OTUD7A: variants seen among roughly 807,000 people sequenced by gnomAD.
OTUD7A encodes OTU domain-containing protein 7A.
In OTUD7A, 12 loss-of-function variants were observed where a neutral mutation model predicts 65.7. The observed-to-expected ratio is 0.18, with a 90% CI of 0.12 to 0.30. The LOEUF (loss-of-function observed/expected upper bound fraction) is 0.30, where lower values mean the gene tolerates loss of function less well. Ranked by LOEUF, OTUD7A falls within the 10% of genes least tolerant of loss-of-function variation. The pLI is 1.00. For synonymous variants in OTUD7A, 641 were observed against 586.3 expected, an observed-to-expected ratio of 1.09 and a Z score of -1.35; for missense variants, 1,148 against 1,304.8, an observed-to-expected ratio of 0.88 and a Z score of 1.85.
At chr15:31,869,770 A>AG (rs1897976059) in intron 1 of OTUD7A, among the ~76,000 whole-genome samples, 1 of 152,176 alleles carries the variant, frequency 6.6e-6, no homozygotes, top group South Asian at 2.1e-4. Context: ...ACCGGGAGGG[A>AG]GGAGGGTACA....
intron 3 of OTUD7A, among the ~76,000 whole-genome samples, chr15:31,589,463 G>GTTTTTTTTTTT (rs58276599): frequency 8.6e-6 from 1 of 116,312 alleles, no homozygotes; most frequent in African/African-American, 3.5e-5. Flanking sequence ...TCCTGGGCTT[G>GTTTTTTTTTTT]TTTTTTTTTT....
chr15:31,484,539 G>A lies in OTUD7A; in HGVS notation c.1557C>T (p.Ser519=), dbSNP rs754474424. 4 of 1,611,268 alleles carry A rather than the reference G, an allele frequency of 2.5e-6. No individual in the cohort carries two copies. Among genetic ancestry groups the A allele is most frequent in the Admixed American group, 1.7e-5 (1 of 60,002 alleles). The change falls in exon 13 of 13, where the codon TCC becomes TCT. Residue 519 remains serine, a synonymous_variant. Coordinates refer to ENST00000307050, the MANE Select transcript of OTUD7A (RefSeq NM_001382637.1). This position sits in a 1 kb window ranked among gnomAD's most constrained non-coding sequence, Gnocchi z 4.5. Reference sequence around the variant, plus strand: ...TGAAGCTGCCCAGCTTGTTGGCCACGGAGTCGGCGCGCGTCTTGTCCTTCT... The same window carrying A: ...TGAAGCTGCCCAGCTTGTTGGCCACAGAGTCGGCGCGCGTCTTGTCCTTCT... The part of the protein sequence containing the change: ...RKEKDKTRAD[S]VANKLGSFSK...
intron 3 of OTUD7A, among the ~76,000 whole-genome samples, chr15:31,609,281 A>G (rs1407276493): frequency 6.6e-6 from 1 of 152,220 alleles, no homozygotes; most frequent in African/African-American, 2.4e-5. Context: ...GGGAGGAACT[A>G]AAGCCCTTTT....
chr15:31,598,458 T>C (rs1054052669), intron 3 of OTUD7A, among the ~76,000 whole-genome samples: 2 of 152,118 alleles, frequency 1.3e-5, no homozygotes, highest in Admixed American at 6.5e-5. Flanking sequence ...TGAGGAACTA[T>C]GCACACTCCG....
At chr15:31,824,339 C>T (rs993628242) in intron 1 of OTUD7A, among the ~76,000 whole-genome samples, 19 of 152,214 alleles carry the variant, frequency 1.2e-4, no homozygotes, top group African/African-American at 4.1e-4. Context: ...TGCCGCTTTG[C>T]AAGGATGCTC....
chr15:31,682,341 A>G lies in OTUD7A; in HGVS notation c.-99-25264T>C, dbSNP rs111422900. 4.5e-3 allele frequency among the ~76,000 whole-genome samples: 688 copies of G among 152,350 alleles called. 3 individuals are homozygous for G. The highest frequency in any genetic ancestry group is 0.016 in the African/African-American group (662 of 41,576). ...CACACTGATCTATAAATTCAGTGCA[A>G]TCCCAGTCAACATTCCAGCAGGTTT... On this transcript the variant is annotated intron_variant, in intron 1 of 12. Coordinates refer to ENST00000307050, the MANE Select transcript of OTUD7A (RefSeq NM_001382637.1).
intron 1 of OTUD7A, among the ~76,000 whole-genome samples, chr15:31,787,197 T>C (rs1042190741): frequency 6.6e-6 from 1 of 152,162 alleles, no homozygotes; most frequent in African/African-American, 2.4e-5. Flanking sequence ...GATGGCCTTA[T>C]TGGAGCAAGG....
chr15:31,765,635 T>A (rs1895076580), intron 1 of OTUD7A: 1 of 634,472 alleles, frequency 1.6e-6, no homozygotes, highest in Non-Finnish European at 2.7e-6. Flanking sequence ...CATAATGTGT[T>A]TATTTAGAAA....
chr15:31,503,910 C>T (rs1454642323), intron 8 of OTUD7A, 92 bp from the exon 9 acceptor site: 3 of 1,465,050 alleles, frequency 2.0e-6, no homozygotes, highest in Non-Finnish European at 2.8e-6. Flanking sequence ...GCTGAGCCCT[C>T]CCCACTCTGG....
chr15:31,800,366 C>T (rs1007067607), intron 1 of OTUD7A, among the ~76,000 whole-genome samples: 2 of 152,168 alleles, frequency 1.3e-5, no homozygotes, highest in African/African-American at 4.8e-5. Context: ...AAGGAGAGGC[C>T]AGGCACCTAT....
At chr15:31,791,147 C>A (rs1895803691) in intron 1 of OTUD7A, among the ~76,000 whole-genome samples, 1 of 152,136 alleles carries the variant, frequency 6.6e-6, no homozygotes, top group Admixed American at 6.5e-5. Flanking sequence ...CTGCCTCAGC[C>A]TCCCGAGTAG....
intron 3 of OTUD7A, among the ~76,000 whole-genome samples, chr15:31,647,436 A>C (rs1193358122): frequency 5.3e-5 from 8 of 152,252 alleles, no homozygotes; most frequent in Admixed American, 5.2e-4. Flanking sequence ...AGAAGTCCAC[A>C]AAGTTCCACA....
chr15:31,533,705 C>A (rs1887708118), intron 5 of OTUD7A, among the ~76,000 whole-genome samples: 2 of 152,104 alleles, frequency 1.3e-5, no homozygotes, highest in Non-Finnish European at 2.9e-5. Flanking sequence ...TAAAAGAAGG[C>A]ATTTTGGCAT....
In OTUD7A at chr15:31,484,581, C is replaced by T; in HGVS notation, c.1515G>A (p.Lys505=). The T allele has an allele frequency of 6.2e-7, 1 of 1,610,792 alleles. No homozygotes were observed. Among genetic ancestry groups the T allele is most frequent in the Admixed American group, 1.7e-5 (1 of 59,756 alleles). The change falls in exon 13 of 13, where the codon AAG becomes AAA. Residue 505 remains lysine, a synonymous_variant. Transcript: ENST00000307050. This position sits in a 1 kb window ranked among gnomAD's most constrained non-coding sequence, Gnocchi z 4.5. ...NNGKNGKDKE[K]EKQRKEKDKT... ...TGTCCTTCTCCTTGCGCTGCTTCTCCTTCTCCTTGTCCTTGCCGTTCTTGC... is the reference window on the plus strand; with the variant it reads ...TGTCCTTCTCCTTGCGCTGCTTCTCTTTCTCCTTGTCCTTGCCGTTCTTGC...
intron 1 of OTUD7A, among the ~76,000 whole-genome samples, chr15:31,768,487 T>C (rs537604047): frequency 3.3e-5 from 5 of 152,072 alleles, no homozygotes; most frequent in Non-Finnish European, 5.9e-5. Flanking sequence ...GACGAAACCC[T>C]GTCTCTACCA....
At position 31,587,640 on chromosome 15, in the gene OTUD7A, A is replaced by C. The variant is rs548077327; in HGVS notation, c.152-17443T>G. 2.3e-3 allele frequency among the ~76,000 whole-genome samples: 162 copies of C among 69,150 alleles called. 2 individuals carry two copies. In the East Asian group the frequency reaches 0.056, roughly 24 times the overall value. The allele number at this position is 69,150 out of a possible 152,430, so 45.4% of individuals were successfully genotyped here. A position where few individuals can be genotyped will look rare whatever the true frequency, so the allele number is the denominator to read the frequency against. On this transcript the variant is annotated intron_variant, in intron 3 of 12. Transcript: ENST00000307050. ...GGGAAACAGACTGAGACTCCATTTC[A>C]AAAAAAAAAAAAAAGAAAATGTAAA...
chr15:31,537,318 T>TA (rs1375123824), intron 5 of OTUD7A, among the ~76,000 whole-genome samples: 2 of 152,328 alleles, frequency 1.3e-5, no homozygotes, highest in African/African-American at 4.8e-5. Flanking sequence ...GCATTACTGA[T>TA]AAAAAATAAC....
chr15:31,722,536 A>G lies in OTUD7A; in HGVS notation c.-99-65459T>C, dbSNP rs544757974. ...GCACAGCCACGTGGCATGGAGTGAC[A>G]GTTTGCATGGAATGGTGGCCCTGTC... is the stretch of plus-strand genomic sequence containing the variant. On this transcript the variant is annotated intron_variant, in intron 1 of 12. Transcript: ENST00000307050. 6.2e-4 allele frequency among the ~76,000 whole-genome samples: 94 copies of G among 152,320 alleles called. 3 individuals carry two copies. In the South Asian group the frequency reaches 0.019, roughly 31 times the overall value.
chr15:31,724,532 C>T (rs12905904), intron 1 of OTUD7A, among the ~76,000 whole-genome samples: 11,325 of 152,140 alleles, frequency 0.074, 1,008 homozygotes, highest in African/African-American at 0.22. Context: ...CAATATGCCT[C>T]TGATGCAATC....
Sources: allele counts gnomAD v4.1 joint callset (sites outside exome capture counted in the v4.1 genomes callset), GRCh38; gene constraint gnomAD v4.1.1; non-coding constraint Gnocchi (gnomAD v3.1); transcripts MANE v1.5; gene names NCBI Gene and HGNC (gene_info 2026-07-23, HGNC 2026-07-21).